ABLIM2: variants seen among roughly 807,000 people sequenced by gnomAD.
The protein encoded by ABLIM2 is actin binding LIM protein family member 2.
ABLIM2 carries 53 observed loss-of-function variants against 97.7 expected under a neutral mutation model. That is an observed-to-expected ratio of 0.54 (90% CI 0.44 to 0.68). The LOEUF (loss-of-function observed/expected upper bound fraction) is 0.68, where lower values mean the gene tolerates loss of function less well. Among genes scored for constraint, ABLIM2 ranks in the 30% least tolerant of loss-of-function variants. The pLI is 0.00. For missense variants in ABLIM2, 835 were observed against 867.2 expected (o/e 0.96, Z 0.47); for synonymous variants, 361 against 345.8 (o/e 1.04, Z -0.49).
At position 7,996,427 on chromosome 4, in the gene ABLIM2, C is replaced by G. The variant is rs1399462149; in HGVS notation, c.1619-3500G>C. On this transcript the variant is annotated intron_variant, in intron 16 of 20. Transcript: ENST00000447017. The surrounding 1 kb of genome is among the most constrained non-coding windows in gnomAD (Gnocchi z 4.5). Reference sequence around the variant, plus strand: ...TCCCAGTGCCCAGGCTGCCGCCGACCGGTCTCAACTTTTAACCACTTCACA... The same window carrying G: ...TCCCAGTGCCCAGGCTGCCGCCGACGGGTCTCAACTTTTAACCACTTCACA... Among the ~76,000 whole-genome samples the G allele has an allele frequency of 6.6e-6, 1 of 152,188 alleles. No individual in the cohort carries two copies.
At chr4:8,070,381 G>A (rs537374225) in intron 6 of ABLIM2, among the ~76,000 whole-genome samples, 162 of 152,038 alleles carry the variant, frequency 1.1e-3, no homozygotes, top group African/African-American at 3.7e-3. Flanking sequence ...TGTGGGGGTG[G>A]CACTATGAAT....
chr4:8,041,371 G>C (rs931561038), intron 9 of ABLIM2: 1 of 152,266 alleles, frequency 6.6e-6, no homozygotes, highest in African/African-American at 2.4e-5. Context: ...ACTGCCTGAT[G>C]CAAGAAGAAA....
rs543751837 is a variant in ABLIM2 at position 8,032,719 on chromosome 4, G to A, written c.1048-2943C>T. The A allele has an allele frequency of 1.7e-5, 27 of 1,611,282 alleles. No individual in the cohort carries two copies. In the Admixed American group the frequency reaches 2.3e-4, roughly 14 times the overall value. On this transcript the variant is annotated intron_variant, in intron 10 of 20. Coordinates refer to ENST00000447017, the MANE Select transcript of ABLIM2 (RefSeq NM_001130083.2). The surrounding 1 kb of genome is among the most constrained non-coding windows in gnomAD (Gnocchi z 4.3). ...ACACAAAGTGGCCATTAGTGCTGGC[G>A]CCAGGCAGAGAGGGAGGAGGGCAGT... is the stretch of plus-strand genomic sequence containing the variant.
rs35219850 is a variant in ABLIM2 at position 7,992,733 on chromosome 4, T to C, written c.1680+133A>G. 0.14 allele frequency: 128,732 copies of C among 933,836 alleles called. 9,937 individuals carry two copies. The highest frequency in any genetic ancestry group is 0.16 in the Non-Finnish European group (96,759 of 599,660). The allele number at this position is 933,836 out of a possible 1,614,324, so 57.8% of individuals were successfully genotyped here. A position where few individuals can be genotyped will look rare whatever the true frequency, so the allele number is the denominator to read the frequency against. On this transcript the variant is annotated intron_variant, in intron 17 of 20. Coordinates refer to ENST00000447017, the MANE Select transcript of ABLIM2 (RefSeq NM_001130083.2). This position sits in a 1 kb window ranked among gnomAD's most constrained non-coding sequence, Gnocchi z 5.7. ...GCAGTGGCAGCCCCTGGGAAGGGCA[T>C]CAGGCAGAGGCAGGTGGGCCGCGGG...
chr4:8,020,046 G>A (rs924684273), intron 13 of ABLIM2, among the ~76,000 whole-genome samples, 156 bp downstream of exon 13: 1 of 123,386 alleles, frequency 8.1e-6, no homozygotes, highest in Non-Finnish European at 1.9e-5. Context: ...CCGTCTGATG[G>A]TTTTAAAGAA....
At position 8,124,057 on chromosome 4, in the gene ABLIM2, T is replaced by C. The variant is rs1846695335; in HGVS notation, c.11-17420A>G. 6.6e-6 allele frequency among the ~76,000 whole-genome samples: 1 copy of C among 152,186 alleles called. No homozygotes were observed. Among genetic ancestry groups the C allele is most frequent in the South Asian group, 2.1e-4 (1 of 4,824 alleles). ...TAACAGCTCAGCGGCTGCTCTACCATGTGCTTCTGTAGGCCACAAACAAAA... is the reference window on the plus strand; with the variant it reads ...TAACAGCTCAGCGGCTGCTCTACCACGTGCTTCTGTAGGCCACAAACAAAA... On this transcript the variant is annotated intron_variant, in intron 1 of 20. Transcript: ENST00000447017. The surrounding 1 kb of genome is among the most constrained non-coding windows in gnomAD (Gnocchi z 6.1).
chr4:8,007,021 CA>C, intron 16 of ABLIM2: 2 of 985,446 alleles, frequency 2.0e-6, no homozygotes, highest in Non-Finnish European at 2.4e-6. Flanking sequence ...ACAAGCAACA[CA>C]CCTTTCTTTG....
chr4:7,985,241 C>T (rs1400504208), intron 17 of ABLIM2, among the ~76,000 whole-genome samples: 1 of 152,234 alleles, frequency 6.6e-6, no homozygotes, highest in Non-Finnish European at 1.5e-5. Flanking sequence ...CAGACGACCA[C>T]TGGGGGCTCA....
At chr4:8,092,781 C>G (rs910418114) in intron 3 of ABLIM2, among the ~76,000 whole-genome samples, 1 of 152,208 alleles carries the variant, frequency 6.6e-6, no homozygotes, top group Non-Finnish European at 1.5e-5. Flanking sequence ...AAATAAACCT[C>G]TGTTGATTGA....
chr4:8,105,191 A>T (rs1460893941), intron 2 of ABLIM2, among the ~76,000 whole-genome samples: 1 of 151,746 alleles, frequency 6.6e-6, no homozygotes, highest in Non-Finnish European at 1.5e-5. Flanking sequence ...GCAGATTTCT[A>T]CTCCCGAGGT....
intron 9 of ABLIM2, among the ~76,000 whole-genome samples, chr4:8,039,159 A>G (rs1786469050): frequency 6.6e-6 from 1 of 152,204 alleles, no homozygotes; most frequent in Non-Finnish European, 1.5e-5. Context: ...GGTTGACAGC[A>G]GGCTTGTGAA....
At chr4:8,129,591 C>T (rs1213329448) in intron 1 of ABLIM2, among the ~76,000 whole-genome samples, 1 of 152,228 alleles carries the variant, frequency 6.6e-6, no homozygotes, top group East Asian at 1.9e-4. Context: ...AACCTGAAAA[C>T]TTGACACCCC....
intron 14 of ABLIM2, among the ~76,000 whole-genome samples, chr4:8,016,486 C>T (rs370230967): frequency 6.6e-6 from 1 of 152,130 alleles, no homozygotes. Context: ...GCCTTGAGTC[C>T]CATTTTCCAG....
chr4:7,969,224 C>A (rs1247194754), intron 20 of ABLIM2, among the ~76,000 whole-genome samples: 1 of 152,088 alleles, frequency 6.6e-6, no homozygotes, highest in Non-Finnish European at 1.5e-5. Flanking sequence ...GAGGCCAAGG[C>A]GGGCAGATCA....
intron 2 of ABLIM2, among the ~76,000 whole-genome samples, chr4:8,100,251 T>C (rs1252617172): frequency 6.6e-6 from 1 of 152,206 alleles, no homozygotes; most frequent in African/African-American, 2.4e-5. Context: ...GTTGCAACAA[T>C]GTTCCCTGCA....
At chr4:8,051,120 C>G (rs776808069) in intron 8 of ABLIM2, among the ~76,000 whole-genome samples, 1 of 152,232 alleles carries the variant, frequency 6.6e-6, no homozygotes, top group Non-Finnish European at 1.5e-5. Flanking sequence ...GTCTCATGGC[C>G]GCTCCACAGT....
At chr4:7,976,683 GTGCATGCACACACATGCACACACA>G (rs1479467840) in intron 20 of ABLIM2, among the ~76,000 whole-genome samples, 19 of 150,054 alleles carry the variant, frequency 1.3e-4, no homozygotes, top group African/African-American at 4.5e-4. Context: ...ACACACACAT[GTGCATGCACACACATGCACACACA>G]CGTATATCCA....
In ABLIM2 at chr4:7,996,485, T is replaced by A. The variant is rs1223252028; in HGVS notation, c.1619-3558A>T. Among the ~76,000 whole-genome samples, 1 of 152,218 alleles carries A rather than the reference T, an allele frequency of 6.6e-6. No homozygotes were observed. Among genetic ancestry groups the A allele is most frequent in the Non-Finnish European group, 1.5e-5 (1 of 68,042 alleles). On this transcript the variant is annotated intron_variant, in intron 16 of 20. Transcript: ENST00000447017. This position sits in a 1 kb window ranked among gnomAD's most constrained non-coding sequence, Gnocchi z 4.5. ...GGAAACCTTGCTTCCGCGAAGGCCA[T>A]TTTATCCTCCCCACTTTGACTATGA...
intron 1 of ABLIM2, among the ~76,000 whole-genome samples, chr4:8,121,171 C>T (rs1183795851): frequency 2.6e-5 from 4 of 152,190 alleles, no homozygotes; most frequent in Non-Finnish European, 5.9e-5. Context: ...CTGATCCTAC[C>T]CAAGGCTGGG....
Sources: gnomAD v4.1 joint callset for allele counts (sites outside exome capture counted in the v4.1 genomes callset) on GRCh38, gnomAD v4.1.1 for gene constraint, Gnocchi (gnomAD v3.1) non-coding constraint, MANE v1.5 for transcripts, NCBI Gene and HGNC (gene_info 2026-07-23, HGNC 2026-07-21) for gene names.